Variants in LANCL1 observed in about 807,000 individuals in gnomAD.
LANCL1 encodes the protein glutathione S-transferase LANCL1.
Under a neutral mutation model 50.6 loss-of-function variants are expected in LANCL1, and 50 were observed. That is an observed-to-expected ratio of 0.99 (90% confidence interval 0.79 to 1.25). The LOEUF is 1.25. Ranked by LOEUF, LANCL1 falls within the 50% of genes most tolerant of loss-of-function variation. LANCL1 has a pLI of 0.00. For missense variants in LANCL1, 532 were observed against 480.7 expected, an observed-to-expected ratio of 1.11 and a Z score of -1.00; for synonymous variants, 188 against 178.6, an observed-to-expected ratio of 1.05 and a Z score of -0.42.
At chr2:210,469,641 G>A (rs1412099741) in intron 3 of LANCL1, among the ~76,000 whole-genome samples, 7 of 152,106 alleles carry the variant, frequency 4.6e-5, no homozygotes, top group Non-Finnish European at 1.0e-4. Flanking sequence ...AGATACTTGA[G>A]GATAAAAGGT....
Position 210,440,694 on chromosome 2 carries a change from G to A in LANCL1, c.594C>T (p.Asn198=). 1 of 1,613,996 alleles carries A rather than the reference G, an allele frequency of 6.2e-7. No individual in the cohort carries two copies. Among genetic ancestry groups the A allele is most frequent in the Non-Finnish European group, 8.5e-7 (1 of 1,179,928 alleles). Residue 198 remains asparagine (N), a synonymous_variant, in exon 6 of 10, where the codon AAC becomes AAT. Coordinates refer to ENST00000450366, the MANE Select transcript of LANCL1 (RefSeq NM_006055.3). The part of the protein sequence containing the change: ...TSGENLARKR[N]FTAKSPLMYE... ...ACATCAGTGGAGACTTTGCCGTGAA[G>A]TTTCTCTTCCTAGCTAGGTTTTCTC...
chr2:210,473,744 A>C (rs1162439958), intron 2 of LANCL1, among the ~76,000 whole-genome samples: 1 of 152,214 alleles, frequency 6.6e-6, no homozygotes, highest in Non-Finnish European at 1.5e-5. Flanking sequence ...TGGATTATTT[A>C]ATCTAAAGCA....
In LANCL1 at chr2:210,450,157, T is replaced by C. The variant is rs145033611; in HGVS notation, c.407+4950A>G. On this transcript the variant is annotated intron_variant, in intron 4 of 9. Coordinates refer to ENST00000450366, the MANE Select transcript of LANCL1 (RefSeq NM_006055.3). Reference sequence around the variant, plus strand: ...TACCAAAAACAGATATATAGACCAATAGAACAGAACAGAGGCCTCAGAAAT... The same window carrying C: ...TACCAAAAACAGATATATAGACCAACAGAACAGAACAGAGGCCTCAGAAAT... Among the ~76,000 whole-genome samples, 642 of 152,120 alleles carry C rather than the reference T, an allele frequency of 4.2e-3. 5 individuals carry two copies. The highest frequency in any genetic ancestry group is 0.014 in the African/African-American group (595 of 41,492).
At chr2:210,466,464 A>C (rs1694063420) in intron 3 of LANCL1, among the ~76,000 whole-genome samples, 1 of 152,212 alleles carries the variant, frequency 6.6e-6, no homozygotes, top group Admixed American at 6.5e-5. Context: ...CCCTAGTATA[A>C]GAACAAAGGA....
chr2:210,473,975 G>C (rs1277796640), intron 2 of LANCL1, among the ~76,000 whole-genome samples: 1 of 152,182 alleles, frequency 6.6e-6, no homozygotes. Flanking sequence ...ACTGTATATA[G>C]ATCATATATA....
At chr2:210,455,395 G>T in intron 3 of LANCL1, 81 bp from the exon 4 acceptor site, 1 of 1,176,726 alleles carries the variant, frequency 8.5e-7, no homozygotes, top group Non-Finnish European at 1.2e-6. Context: ...CTACTCAGCA[G>T]CGATTTTTGA....
chr2:210,451,865 G>GT (rs1559713350), intron 4 of LANCL1, among the ~76,000 whole-genome samples: 1 of 152,182 alleles, frequency 6.6e-6, no homozygotes, highest in East Asian at 1.9e-4. Flanking sequence ...AAGGAACAAA[G>GT]TTTTGATACA....
At chr2:210,465,370 G>A (rs553313505) in intron 3 of LANCL1, among the ~76,000 whole-genome samples, 21 of 152,292 alleles carry the variant, frequency 1.4e-4, no homozygotes, top group Non-Finnish European at 2.5e-4. Context: ...GAAAAAAGTC[G>A]TGACATTACA....
intron 4 of LANCL1, among the ~76,000 whole-genome samples, chr2:210,445,138 T>C (rs1224458319): frequency 4.0e-5 from 6 of 149,178 alleles, no homozygotes; most frequent in Non-Finnish European, 7.4e-5. Flanking sequence ...TTTGCAAAGA[T>C]TGAAAGAACT....
chr2:210,446,155 C>G (rs955765888), intron 4 of LANCL1, among the ~76,000 whole-genome samples: 1 of 152,182 alleles, frequency 6.6e-6, no homozygotes, highest in African/African-American at 2.4e-5. Flanking sequence ...CCCCCCTGTG[C>G]TTCCTGACTG....
rs1302658539 is a variant in LANCL1, at chr2:210,476,688, C to T, written c.-85G>A. The T allele has an allele frequency of 3.3e-6, 4 of 1,197,766 alleles. No individual in the cohort carries two copies. Among genetic ancestry groups the T allele is most frequent in the Admixed American group, 4.2e-5 (1 of 23,696 alleles). The allele number at this position is 1,197,766 out of a possible 1,614,324, so 74.2% of individuals were successfully genotyped here. A position where few individuals can be genotyped will look rare whatever the true frequency, so the allele number is the denominator to read the frequency against. ...CGACTTGAAGCAAGTGCGCCTCCCG[C>T]GTCCTGAAGCCCTTCTCGGCCCTGG... is the stretch of plus-strand genomic sequence containing the variant. On this transcript the variant is annotated 5_prime_UTR_variant, in exon 1 of 10. Coordinates refer to ENST00000450366, the MANE Select transcript of LANCL1 (RefSeq NM_006055.3).
Position 210,476,347 on chromosome 2 carries a change from A to C in LANCL1, c.50T>G (p.Leu17Arg). The C allele has an allele frequency of 1.2e-6, 2 of 1,614,128 alleles. No individual in the cohort carries two copies. Among genetic ancestry groups the C allele is most frequent in the Non-Finnish European group, 8.5e-7 (1 of 1,179,984 alleles). ...GGCAGCATCAAAGTAGCCTTCGGCCAGGGATTTGTTATAATCAGCATAAGG... is the reference window on the plus strand; with the variant it reads ...GGCAGCATCAAAGTAGCCTTCGGCCCGGGATTTGTTATAATCAGCATAAGG... ...PNPYADYNKSLAEGYFDAAGR... is the reference protein window; with the variant it reads ...PNPYADYNKSRAEGYFDAAGR... The change falls in exon 2 of 10, where the codon CTG becomes CGG. Residue 17 changes from leucine to arginine, a missense_variant. Physicochemically the swap from Leu to Arg is moderately radical, Grantham distance 102. Transcript: ENST00000450366.
intron 2 of LANCL1, among the ~76,000 whole-genome samples, chr2:210,474,346 A>G (rs1433799192): frequency 6.6e-6 from 1 of 152,114 alleles, no homozygotes; most frequent in African/African-American, 2.4e-5. Flanking sequence ...CTGTCCAAAA[A>G]CTACGTTAGG....
chr2:210,476,580 T>C (rs1470257943), intron 1 of LANCL1, 40 bp downstream of exon 1: 1 of 1,365,706 alleles, frequency 7.3e-7, no homozygotes, highest in Non-Finnish European at 9.5e-7. Flanking sequence ...TGCTAGGACA[T>C]GGCGCCTTCG....
intron 3 of LANCL1, among the ~76,000 whole-genome samples, chr2:210,457,230 C>G (rs762676896): frequency 3.3e-5 from 5 of 152,118 alleles, no homozygotes; most frequent in Non-Finnish European, 7.4e-5. Flanking sequence ...CCTGCACATG[C>G]TTATTATAAA....
rs527494687 is a variant in LANCL1, at chr2:210,443,343, C to A, written c.408-1900G>T. ...TCACATGAAATTTTGAAGTGCATCT[C>A]AATCATCCCTAAATTAGCCTATAAA... On this transcript the variant is annotated intron_variant, in intron 4 of 9. Transcript: ENST00000450366. Among the ~76,000 whole-genome samples, 80 of 152,276 alleles carry A rather than the reference C, an allele frequency of 5.3e-4. 1 individual carries two copies. In the East Asian group the frequency reaches 0.013, roughly 24 times the overall value.
At chr2:210,466,430 C>A (rs557524063) in intron 3 of LANCL1, among the ~76,000 whole-genome samples, 1 of 152,290 alleles carries the variant, frequency 6.6e-6, no homozygotes, top group Non-Finnish European at 1.5e-5. Context: ...GTGAATGCCT[C>A]CTGGTTTTTA....
At chr2:210,443,920 G>T (rs1028845086) in intron 4 of LANCL1, among the ~76,000 whole-genome samples, 3 of 152,190 alleles carry the variant, frequency 2.0e-5, no homozygotes, top group African/African-American at 7.2e-5. Context: ...CTGGAGGTTT[G>T]GAAGATGGTA....
chr2:210,474,561 C>CAAAAAA (rs773466286), intron 2 of LANCL1, among the ~76,000 whole-genome samples: 1 of 122,698 alleles, frequency 8.2e-6, no homozygotes, highest in Non-Finnish European at 1.8e-5. Context: ...ACTAAAAATA[C>CAAAAAA]AAAAAAAAAA....
Sources: gnomAD v4.1 joint callset for allele counts (sites outside exome capture counted in the v4.1 genomes callset) on GRCh38, gnomAD v4.1.1 for gene constraint, MANE v1.5 for transcripts, NCBI Gene and HGNC (gene_info 2026-07-23, HGNC 2026-07-21) for gene names.